HOXC8: variants seen among roughly 807,000 people sequenced by gnomAD.
HOXC8 encodes homeobox C8, also known as homeobox protein Hox-C8.
A neutral mutation model predicts 25.8 loss-of-function variants in HOXC8; 14 were observed. The observed-to-expected ratio is 0.54, with a 90% CI of 0.36 to 0.85. The LOEUF (loss-of-function observed/expected upper bound fraction) is 0.85, where lower values mean the gene tolerates loss of function less well. HOXC8 is among the 40% of genes least tolerant of loss of function. The pLI is 0.01. For synonymous variants in HOXC8, 144 were observed against 124.6 expected, an observed-to-expected ratio of 1.16 and a Z score of -1.04; for missense variants, 316 against 308.8, an observed-to-expected ratio of 1.02 and a Z score of -0.17.
At chr12:54,010,813 G>T (rs769978254) in intron 1 of HOXC8, among the ~76,000 whole-genome samples, 1 of 152,128 alleles carries the variant, frequency 6.6e-6, no homozygotes, top group Non-Finnish European at 1.5e-5. Context: ...AGGATTACAG[G>T]CCTGGTGGGG....
Position 54,011,068 on chromosome 12 carries a change from CTG to C in HOXC8, c.437-20_437-19del, listed in dbSNP as rs1405054752. 1.3e-6 allele frequency: 2 copies of C among 1,575,466 alleles called. No individual in the cohort carries two copies. Among genetic ancestry groups the C allele is most frequent in the African/African-American group, 1.4e-5 (1 of 74,022 alleles). ...AAGCCCCCATCCAAACGTAACCAGA[CTG>C]GGGTTTTCTTCTGTCCAGCTCCGGG... On this transcript the variant is annotated intron_variant, in intron 1 of 1. Transcript: ENST00000040584.
At chr12:54,010,523 G>A (rs1395276947) in intron 1 of HOXC8, among the ~76,000 whole-genome samples, 2 of 152,234 alleles carry the variant, frequency 1.3e-5, no homozygotes, top group Non-Finnish European at 2.9e-5. Context: ...TCGAAGTACA[G>A]GGGGAAGCGA....
Position 54,009,584 on chromosome 12 carries a change from T to C in HOXC8, c.300T>C (p.Tyr100=), listed in dbSNP as rs1229076784. Residue 100 remains tyrosine, a synonymous_variant, in exon 1 of 2, where the codon TAT becomes TAC. Transcript: ENST00000040584. The surrounding 1 kb of genome is among the most constrained non-coding windows in gnomAD (Gnocchi z 5.0). ...AGGCGCTCCCCAGACAGTCCCTTTA[T>C]GGGGCTCAGCAAGAGGCGAGCGTGG... The part of the protein sequence containing the change: ...GYEALPRQSL[Y]GAQQEASVVQ... 1.9e-6 allele frequency: 3 copies of C among 1,614,218 alleles called. No individual in the cohort carries two copies. The highest frequency in any genetic ancestry group is 1.7e-6 in the Non-Finnish European group (2 of 1,180,042).
chr12:54,011,406 C>CCT lies in HOXC8; in HGVS notation c.*25_*26insCT, dbSNP rs1555183425. The CCT allele has an allele frequency of 1.6e-3, 2,111 of 1,360,670 alleles. 10 individuals carry two copies. Among genetic ancestry groups the CCT allele is most frequent in the African/African-American group, 9.4e-3 (612 of 65,128 alleles). The allele number at this position is 1,360,670 out of a possible 1,614,324, so 84.3% of individuals were successfully genotyped here. ...AGCAAAAAAGAAAGACCCCCCCCCC[C>CCT]TTAGCAACTCCCTTGAAGTTTCGTT... On this transcript the variant is annotated 3_prime_UTR_variant, in exon 2 of 2. Coordinates refer to ENST00000040584, the MANE Select transcript of HOXC8 (RefSeq NM_022658.4).
chr12:54,009,395 G>A lies in HOXC8; in HGVS notation c.111G>A (p.Ala37=), dbSNP rs367879548. 16 of 1,614,034 alleles carry A rather than the reference G, an allele frequency of 9.9e-6. No individual in the cohort carries two copies. The African/African-American group carries it at 1.2e-4, about 12-fold the overall frequency. The change falls in exon 1 of 2, where the codon GCG becomes GCA. Residue 37 remains alanine, a synonymous_variant. Coordinates refer to ENST00000040584, the MANE Select transcript of HOXC8 (RefSeq NM_022658.4). The surrounding 1 kb of genome is among the most constrained non-coding windows in gnomAD (Gnocchi z 5.0). ...RFPQSVGRSH[A]LVYGPGGSAP... ...CTCAGAGCGTGGGCAGGAGCCATGC[G>A]CTGGTGTACGGGCCCGGCGGCTCGG...
chr12:54,011,417 C>G lies in HOXC8; in HGVS notation c.*36C>G. 7.5e-7 allele frequency: 1 copy of G among 1,339,776 alleles called. No individual in the cohort carries two copies. Among genetic ancestry groups the G allele is most frequent in the South Asian group, 1.6e-5 (1 of 64,100 alleles). 83.0% of individuals were successfully genotyped at this position (1,339,776 alleles called of 1,614,324 possible). Reference sequence around the variant, plus strand: ...AAGACCCCCCCCCCCTTAGCAACTCCCTTGAAGTTTCGTTTTATGGTAGCA... The same window carrying G: ...AAGACCCCCCCCCCCTTAGCAACTCGCTTGAAGTTTCGTTTTATGGTAGCA... On this transcript the variant is annotated 3_prime_UTR_variant, in exon 2 of 2. Transcript: ENST00000040584.
Position 54,010,652 on chromosome 12 carries a change from T to C in HOXC8, c.437-437T>C, listed in dbSNP as rs567656098. Among the ~76,000 whole-genome samples, 36 of 152,368 alleles carry C rather than the reference T, an allele frequency of 2.4e-4. No individual in the cohort carries two copies. The South Asian group carries it at 7.3e-3, about 31-fold the overall frequency. ...ATTATTTTTCTTATTGGAAAAGCAT[T>C]AGGCAGAGAGAGACAAGGAGAGGGC... On this transcript the variant is annotated intron_variant, in intron 1 of 1. Coordinates refer to ENST00000040584, the MANE Select transcript of HOXC8 (RefSeq NM_022658.4).
chr12:54,011,002 G>A (rs952870637), intron 1 of HOXC8, 87 bp from the exon 2 acceptor site: 2 of 925,384 alleles, frequency 2.2e-6, no homozygotes, highest in African/African-American at 3.3e-5. Flanking sequence ...GAGGAGATCA[G>A]AGAGGGGAGT....
Position 54,009,024 on chromosome 12 carries a change from GCGCCGCCGC to G in HOXC8, c.-247_-239del, listed in dbSNP as rs371683123. On this transcript the variant is annotated 5_prime_UTR_variant, in exon 1 of 2. Coordinates refer to ENST00000040584, the MANE Select transcript of HOXC8 (RefSeq NM_022658.4). The surrounding 1 kb of genome is among the most constrained non-coding windows in gnomAD (Gnocchi z 5.0). ...GAGCTCTACCTACCGACAGTGAGGA[GCGCCGCCGC>G]CGCCGCCGCCGCCCGCTCGCCGCCC... 7 of 152,468 alleles carry G rather than the reference GCGCCGCCGC, an allele frequency of 4.6e-5. 1 individual carries two copies. The highest frequency in any genetic ancestry group is 7.0e-5 in the Non-Finnish European group (5 of 71,072). 9.4% of individuals were successfully genotyped at this position (152,468 alleles called of 1,614,324 possible).
In HOXC8 at chr12:54,012,695, C is replaced by G. The variant is rs1940025049; in HGVS notation, c.*1314C>G. Among the ~76,000 whole-genome samples the G allele has an allele frequency of 6.6e-6, 1 of 152,172 alleles. No individual in the cohort carries two copies. The highest frequency in any genetic ancestry group is 2.1e-4 in the South Asian group (1 of 4,830). On this transcript the variant is annotated 3_prime_UTR_variant, in exon 2 of 2. Coordinates refer to ENST00000040584, the MANE Select transcript of HOXC8 (RefSeq NM_022658.4). Reference sequence around the variant, plus strand: ...TATGAATGTAGATTTTGTGTCCCGACAGCCCTGTTCCTGGTCCAAGTACTT... The same window carrying G: ...TATGAATGTAGATTTTGTGTCCCGAGAGCCCTGTTCCTGGTCCAAGTACTT...
chr12:54,012,242 C>T lies in HOXC8; in HGVS notation c.*861C>T, dbSNP rs1024953541. ...GAAAATAATAATAATAAATCTTTAA[C>T]ATACTACCTAAAGGGAACCTGCAAT... On this transcript the variant is annotated 3_prime_UTR_variant, in exon 2 of 2. Coordinates refer to ENST00000040584, the MANE Select transcript of HOXC8 (RefSeq NM_022658.4). The T allele has an allele frequency of 2.7e-5, 4 of 148,782 alleles. No homozygotes were observed. The highest frequency in any genetic ancestry group is 3.0e-5 in the Non-Finnish European group (2 of 67,388). 9.2% of individuals were successfully genotyped at this position (148,782 alleles called of 1,614,324 possible). A position where few individuals can be genotyped will look rare whatever the true frequency, so the allele number is the denominator to read the frequency against.
chr12:54,011,261 G>C lies in HOXC8; in HGVS notation c.609G>C (p.Lys203Asn). 4 of 1,608,624 alleles carry C rather than the reference G, an allele frequency of 2.5e-6. No individual in the cohort carries two copies. The highest frequency in any genetic ancestry group is 3.4e-6 in the Non-Finnish European group (4 of 1,177,632). Residue 203 changes from lysine to asparagine, a missense_variant, in exon 2 of 2, where the codon AAG becomes AAC. By Grantham distance (94) the Lys-to-Asn change is moderately conservative. Coordinates refer to ENST00000040584, the MANE Select transcript of HOXC8 (RefSeq NM_022658.4). ...TCTGGTTCCAGAACCGAAGGATGAA[G>C]TGGAAAAAGGAGAACAACAAGGATA... The part of the protein sequence containing the change: ...VKIWFQNRRM[K>N]WKKENNKDKL...
At position 54,009,446 on chromosome 12, in the gene HOXC8, C is replaced by G; in HGVS notation, c.162C>G (p.His54Gln). The change falls in exon 1 of 2, where the codon CAC becomes CAG. Residue 54 changes from histidine to glutamine, a missense_variant. Transcript: ENST00000040584. This position sits in a 1 kb window ranked among gnomAD's most constrained non-coding sequence, Gnocchi z 5.0. ...GSAPGFQHAS[H>Q]HVQDFFHHGT... ...CGCCCGGCTTCCAGCACGCTTCGCA[C>G]CACGTTCAAGACTTCTTCCACCACG... is the stretch of plus-strand genomic sequence containing the variant. 3.1e-6 allele frequency: 5 copies of G among 1,614,188 alleles called. No individual in the cohort carries two copies. Among genetic ancestry groups the G allele is most frequent in the Non-Finnish European group, 4.2e-6 (5 of 1,180,030 alleles).
intron 1 of HOXC8, among the ~76,000 whole-genome samples, chr12:54,010,632 T>C (rs1334586062): frequency 3.3e-5 from 5 of 152,212 alleles, no homozygotes; most frequent in African/African-American, 9.7e-5. Context: ...GATCAATTAT[T>C]TTTCTTATTG....
intron 1 of HOXC8, among the ~76,000 whole-genome samples, chr12:54,010,820 G>T (rs921184565): frequency 1.1e-4 from 17 of 152,148 alleles, no homozygotes; most frequent in African/African-American, 3.9e-4. Context: ...CAGGCCTGGT[G>T]GGGGGGATTC....
chr12:54,011,999 G>GAAAGTC lies in HOXC8; in HGVS notation c.*620_*621insAGTCAA, dbSNP rs1298635884. 1 of 141,238 alleles carries GAAAGTC rather than the reference G, an allele frequency of 7.1e-6. No individual in the cohort carries two copies. Among genetic ancestry groups the GAAAGTC allele is most frequent in the East Asian group, 2.1e-4 (1 of 4,750 alleles). The allele number at this position is 141,238 out of a possible 1,614,324, so 8.7% of individuals were successfully genotyped here. On this transcript the variant is annotated 3_prime_UTR_variant, in exon 2 of 2. Transcript: ENST00000040584. ...GAAAAACCCCCTTGACTTTCTCTAG[G>GAAAGTC]AACCTGATGGAAACCTGAAGGAGAT...
chr12:54,011,425 T>A lies in HOXC8; in HGVS notation c.*44T>A. On this transcript the variant is annotated 3_prime_UTR_variant, in exon 2 of 2. Transcript: ENST00000040584. ...CCCCCCCTTAGCAACTCCCTTGAAG[T>A]TTCGTTTTATGGTAGCAGATAAATT... is the stretch of plus-strand genomic sequence containing the variant. 1 of 1,082,562 alleles carries A rather than the reference T, an allele frequency of 9.2e-7. No homozygotes were observed. Among genetic ancestry groups the A allele is most frequent in the Non-Finnish European group, 1.3e-6 (1 of 792,210 alleles). 67.1% of individuals were successfully genotyped at this position (1,082,562 alleles called of 1,614,324 possible).
In HOXC8 at chr12:54,011,613, T is replaced by TTCGGACTC. The variant is rs1287980272; in HGVS notation, c.*235_*242dup. 2.5e-6 allele frequency: 1 copy of TTCGGACTC among 393,552 alleles called. No individual in the cohort carries two copies. Among genetic ancestry groups the TTCGGACTC allele is most frequent in the Non-Finnish European group, 4.4e-6 (1 of 226,504 alleles). The allele number at this position is 393,552 out of a possible 1,614,324, so 24.4% of individuals were successfully genotyped here. A position where few individuals can be genotyped will look rare whatever the true frequency, so the allele number is the denominator to read the frequency against. On this transcript the variant is annotated 3_prime_UTR_variant, in exon 2 of 2. Transcript: ENST00000040584. ...GGGGAGACGGAGAAACAGTGAAAAG[T>TTCGGACTC]TCGGACTCTCTGTCTCACTCCTTGC... is the stretch of plus-strand genomic sequence containing the variant.
intron 1 of HOXC8, among the ~76,000 whole-genome samples, chr12:54,010,805 G>T (rs893508194): frequency 1.3e-4 from 20 of 152,222 alleles, no homozygotes; most frequent in African/African-American, 4.1e-4. Context: ...CAGTTCCTAG[G>T]ATTACAGGCC....
Sources: allele counts gnomAD v4.1 joint callset (sites outside exome capture counted in the v4.1 genomes callset), GRCh38; gene constraint gnomAD v4.1.1; non-coding constraint Gnocchi (gnomAD v3.1); transcripts MANE v1.5; gene names NCBI Gene and HGNC (gene_info 2026-07-23, HGNC 2026-07-21).